The following DRC2 variants were observed in gnomAD, a reference collection of about 807,000 sequenced individuals.
DRC2 encodes the protein coiled-coil domain containing 65.
chr12:48,906,302 ATT>A, the DRC2 span, among the ~76,000 whole-genome samples: 46 of 134,756 alleles, frequency 3.4e-4, no homozygotes, highest in Admixed American at 3.0e-4. Flanking sequence ...CACCTTATGG[ATT>A]TTTTTTTTTT....
chr12:48,916,782 G>A, the DRC2 span, among the ~76,000 whole-genome samples: 1 of 152,286 alleles, frequency 6.6e-6, no homozygotes, highest in East Asian at 1.9e-4. Flanking sequence ...TACCCATTCA[G>A]AAATCAAAAT....
At chr12:48,920,454 A>T in the DRC2 span, among the ~76,000 whole-genome samples, 4 of 148,204 alleles carry the variant, frequency 2.7e-5, 1 homozygote, top group African/African-American at 4.9e-5. Flanking sequence ...AAAAAAAAAA[A>T]AAAAAAAAAA....
the DRC2 span, chr12:48,905,194 C>A: frequency 8.0e-7 from 1 of 1,247,974 alleles, no homozygotes; most frequent in Non-Finnish European, 1.1e-6. Flanking sequence ...CATCTTAAAG[C>A]CCTCACAAGA....
At chr12:48,909,028 T>G in the DRC2 span, among the ~76,000 whole-genome samples, 1 of 149,064 alleles carries the variant, frequency 6.7e-6, no homozygotes. Flanking sequence ...CACCTGTACT[T>G]TTCTTTCTCT....
At chr12:48,910,507 T>C in the DRC2 span, among the ~76,000 whole-genome samples, 1 of 152,224 alleles carries the variant, frequency 6.6e-6, no homozygotes, top group Non-Finnish European at 1.5e-5. Context: ...GCCTGGATCA[T>C]GTGGGCAATT....
chr12:48,904,174 C>T, the DRC2 span: 29 of 850,624 alleles, frequency 3.4e-5, no homozygotes, highest in East Asian at 7.3e-4. Flanking sequence ...CACTGATAGC[C>T]GGGGATCTCT....
the DRC2 span, chr12:48,904,414 G>A: frequency 8.1e-6 from 13 of 1,613,952 alleles, no homozygotes; most frequent in African/African-American, 1.5e-4. Context: ...AGAAGTTGCT[G>A]GCAGAGGAGG....
chr12:48,921,305 C>T, the DRC2 span: 1 of 1,614,202 alleles, frequency 6.2e-7, no homozygotes, highest in Non-Finnish European at 8.5e-7. Flanking sequence ...TGAAGCAGTA[C>T]TTGGATGGCA....
chr12:48,919,339 G>A, the DRC2 span, among the ~76,000 whole-genome samples: 7 of 150,270 alleles, frequency 4.7e-5, no homozygotes, highest in South Asian at 2.1e-4. Flanking sequence ...CATTCCTCCC[G>A]CCACAGCCTC....
the DRC2 span, chr12:48,904,972 C>G: frequency 4.8e-5 from 77 of 1,611,258 alleles, no homozygotes; most frequent in South Asian, 7.9e-4. Context: ...AGGAACACAA[C>G]AGTGCTCTGA....
chr12:48,904,197 C>A, the DRC2 span: 2 of 1,130,948 alleles, frequency 1.8e-6, no homozygotes, highest in Non-Finnish European at 2.5e-6. Flanking sequence ...TGTTCGAGGG[C>A]TGAGATCTCC....
the DRC2 span, among the ~76,000 whole-genome samples, chr12:48,908,755 C>G: frequency 1.3e-5 from 2 of 151,810 alleles, no homozygotes; most frequent in Non-Finnish European, 2.9e-5. Flanking sequence ...TGCATGCCAC[C>G]ACATCCAGCT....
At chr12:48,919,231 T>G in the DRC2 span, among the ~76,000 whole-genome samples, 4 of 151,424 alleles carry the variant, frequency 2.6e-5, no homozygotes, top group Non-Finnish European at 5.9e-5. Flanking sequence ...CTTTTTTTTT[T>G]TTTTCTTTTT....
the DRC2 span, chr12:48,918,085 T>C: frequency 3.5e-6 from 2 of 563,680 alleles, no homozygotes; most frequent in Non-Finnish European, 6.2e-6. Flanking sequence ...CCTCTCCAGT[T>C]CACCACAGGC....
chr12:48,921,487 C>G, the DRC2 span: 275 of 1,531,594 alleles, frequency 1.8e-4, 2 homozygotes, highest in Middle Eastern at 1.9e-3. Context: ...AACCTGTGAT[C>G]TAAGGAAAAA....
chr12:48,917,798 C>A, the DRC2 span, among the ~76,000 whole-genome samples: 1 of 152,308 alleles, frequency 6.6e-6, no homozygotes, highest in African/African-American at 2.4e-5. Flanking sequence ...GCCCCTTGAT[C>A]CAAAGTGCTT....
the DRC2 span, among the ~76,000 whole-genome samples, chr12:48,906,794 G>C: frequency 6.6e-6 from 1 of 151,474 alleles, no homozygotes; most frequent in African/African-American, 2.4e-5. Context: ...TGGAACTCCT[G>C]ACCTTAGGTG....
chr12:48,904,898 T>C, the DRC2 span: 1 of 1,471,454 alleles, frequency 6.8e-7, no homozygotes, highest in Non-Finnish European at 9.2e-7. Flanking sequence ...TTGTTTGTTG[T>C]ACTGAAAGGC....
chr12:48,904,316 C>G, the DRC2 span: 1 of 1,602,206 alleles, frequency 6.2e-7, no homozygotes, highest in South Asian at 1.1e-5. Flanking sequence ...GCTTCTTTCC[C>G]GGATCCAATC....
Sources: gnomAD v4.1 joint callset for allele counts (sites outside exome capture counted in the v4.1 genomes callset) on GRCh38, gnomAD v4.1.1 for gene constraint, MANE v1.5 for transcripts, NCBI Gene and HGNC (gene_info 2026-07-23, HGNC 2026-07-21) for gene names.